The following HS2ST1 variants were observed in gnomAD, a reference collection of about 807,000 sequenced individuals.
HS2ST1 encodes the protein 2-O-sulfotransferase.
Under a neutral mutation model 42.9 loss-of-function variants are expected in HS2ST1, and 18 were observed. The observed-to-expected ratio is 0.42, with a 90% CI of 0.29 to 0.62. The LOEUF (loss-of-function observed/expected upper bound fraction) is 0.62, where lower values mean the gene tolerates loss of function less well. Among genes scored for constraint, HS2ST1 ranks in the 20% least tolerant of loss-of-function variants. The pLI is 0.21. For synonymous variants in HS2ST1, 146 were observed against 152.9 expected (o/e 0.95, Z 0.33); for missense variants, 334 against 433.8 (o/e 0.77, Z 2.04).
chr1:87,003,374 AAAAT>A (rs1378167506), intron 1 of HS2ST1, among the ~76,000 whole-genome samples: 1 of 152,214 alleles, frequency 6.6e-6, no homozygotes, highest in Non-Finnish European at 1.5e-5. Context: ...CTAAAGCTAA[AAAAT>A]AATTTTTGAA....
intron 1 of HS2ST1, among the ~76,000 whole-genome samples, chr1:86,929,202 A>T (rs1388762998): frequency 6.6e-6 from 1 of 151,926 alleles, no homozygotes; most frequent in Non-Finnish European, 1.5e-5. Flanking sequence ...ATTGTTATTA[A>T]TAATGACAAT....
intron 2 of HS2ST1, among the ~76,000 whole-genome samples, chr1:87,083,456 T>C (rs1042289589): frequency 5.9e-5 from 9 of 152,202 alleles, no homozygotes; most frequent in Admixed American, 3.3e-4. Flanking sequence ...TGTATACCAT[T>C]TTCCATTGAG....
chr1:87,025,187 T>TACA (rs10689285), intron 1 of HS2ST1, among the ~76,000 whole-genome samples: 1 of 151,984 alleles, frequency 6.6e-6, no homozygotes, highest in Non-Finnish European at 1.5e-5. Flanking sequence ...ACTGGAGAAG[T>TACA]GAAGAACAGG....
intron 1 of HS2ST1, among the ~76,000 whole-genome samples, chr1:86,966,407 AGTTAGG>A (rs1383513999): frequency 6.6e-5 from 10 of 152,048 alleles, no homozygotes; most frequent in Admixed American, 6.5e-4. Context: ...TATTTATAAC[AGTTAGG>A]GTTAGGGGGC....
intron 1 of HS2ST1, among the ~76,000 whole-genome samples, chr1:87,029,864 C>T (rs1650185744): frequency 6.6e-6 from 1 of 152,108 alleles, no homozygotes; most frequent in Non-Finnish European, 1.5e-5. Context: ...TGGATAAAGT[C>T]GAAGTTTAAG....
intron 1 of HS2ST1, among the ~76,000 whole-genome samples, chr1:86,950,028 C>G (rs1490128034): frequency 6.6e-6 from 1 of 152,078 alleles, no homozygotes; most frequent in African/African-American, 2.4e-5. Flanking sequence ...ATAGAAAAAG[C>G]ACTATAGAAA....
rs1266162582 is a variant in HS2ST1 at position 87,097,939 on chromosome 1, G to A, written c.686+4G>A. ...GTGGCCATAGCTCCGAATGCTGGTA[G>A]GGGAGATAAAGTTGGCTCAGATTGA... On this transcript the variant is annotated splice_donor_region_variant and intron_variant, in intron 5 of 6. Transcript: ENST00000370550. 6 of 1,613,792 alleles carry A rather than the reference G, an allele frequency of 3.7e-6. No homozygotes were observed. The highest frequency in any genetic ancestry group is 1.1e-5 in the South Asian group (1 of 91,072).
chr1:87,097,906 GTTC>G lies in HS2ST1; in HGVS notation c.662_664del (p.Phe221del). ...CAGAGAAGCTCTGGCTTCAAATCCC[GTTC>G]TTCTGTGGCCATAGCTCCGAATGCT... On this transcript the variant is annotated inframe_deletion, in exon 5 of 7. Coordinates refer to ENST00000370550, the MANE Select transcript of HS2ST1 (RefSeq NM_012262.4). The G allele has an allele frequency of 6.2e-7, 1 of 1,614,020 alleles. No individual in the cohort carries two copies. The highest frequency in any genetic ancestry group is 8.5e-7 in the Non-Finnish European group (1 of 1,179,922).
chr1:87,078,700 G>A (rs1011027764), intron 2 of HS2ST1, among the ~76,000 whole-genome samples: 3 of 152,188 alleles, frequency 2.0e-5, no homozygotes, highest in Non-Finnish European at 4.4e-5. Flanking sequence ...AGTATAGTCA[G>A]TAAGAATCCA....
chr1:86,996,790 A>G (rs1001728857), intron 1 of HS2ST1, among the ~76,000 whole-genome samples: 7 of 152,366 alleles, frequency 4.6e-5, no homozygotes, highest in African/African-American at 1.4e-4. Context: ...ATTATAATAC[A>G]TATGAAGATA....
intron 1 of HS2ST1, among the ~76,000 whole-genome samples, chr1:87,038,542 G>A (rs1276042848): frequency 6.6e-6 from 1 of 152,032 alleles, no homozygotes; most frequent in African/African-American, 2.4e-5. Context: ...AGTTATTCTG[G>A]AAAGTCCTGC....
In HS2ST1 at chr1:87,093,511, T is replaced by C. The variant is rs140643443; in HGVS notation, c.588+842T>C. 2.6e-4 allele frequency among the ~76,000 whole-genome samples: 39 copies of C among 152,216 alleles called. No homozygotes were observed. In the East Asian group the frequency reaches 7.5e-3, roughly 29 times the overall value. Reference sequence around the variant, plus strand: ...TGATGCCTCCAGGCAGTGAGTCATATCTCTTTCAGGGCTCCCAGAGCACTT... The same window carrying C: ...TGATGCCTCCAGGCAGTGAGTCATACCTCTTTCAGGGCTCCCAGAGCACTT... On this transcript the variant is annotated intron_variant, in intron 4 of 6. Coordinates refer to ENST00000370550, the MANE Select transcript of HS2ST1 (RefSeq NM_012262.4).
At chr1:87,097,687 C>G (rs1180804538) in intron 4 of HS2ST1, 151 bp from the exon 5 acceptor site, 5 of 844,766 alleles carry the variant, frequency 5.9e-6, no homozygotes, top group Non-Finnish European at 7.2e-6. Flanking sequence ...CCACCGTGCC[C>G]AACTGTGATT....
chr1:87,101,649 CATT>C (rs2100657018), intron 5 of HS2ST1, among the ~76,000 whole-genome samples: 1 of 152,308 alleles, frequency 6.6e-6, no homozygotes, highest in Admixed American at 6.5e-5. Context: ...TTATCACAAT[CATT>C]AAACCAGTCT....
chr1:86,956,816 T>C (rs2102192551), intron 1 of HS2ST1, among the ~76,000 whole-genome samples: 1 of 152,362 alleles, frequency 6.6e-6, no homozygotes, highest in South Asian at 2.1e-4. Flanking sequence ...TTTATACTTC[T>C]ACATGGTTTT....
chr1:86,950,415 C>T (rs879765821), intron 1 of HS2ST1, among the ~76,000 whole-genome samples: 12 of 151,964 alleles, frequency 7.9e-5, no homozygotes, highest in Admixed American at 2.6e-4. Flanking sequence ...AAGTTAAAGG[C>T]GAGACATGGA....
chr1:87,066,119 A>G (rs1327086834), intron 1 of HS2ST1, among the ~76,000 whole-genome samples: 1 of 152,202 alleles, frequency 6.6e-6, no homozygotes, highest in Non-Finnish European at 1.5e-5. Flanking sequence ...GTAATGTTTT[A>G]TACTTAACTA....
At chr1:87,091,260 G>A (rs769451821) in intron 3 of HS2ST1, among the ~76,000 whole-genome samples, 9 of 151,976 alleles carry the variant, frequency 5.9e-5, no homozygotes, top group Admixed American at 2.6e-4. Flanking sequence ...AAGGAAGACA[G>A]AATAAGCAAA....
At chr1:87,043,600 G>A (rs12095044) in intron 1 of HS2ST1, among the ~76,000 whole-genome samples, 5,385 of 152,082 alleles carry the variant, frequency 0.035, 196 homozygotes, top group African/African-American at 0.091. Flanking sequence ...TATTGTTACA[G>A]TCCTGTCTTA....
Sources: allele counts gnomAD v4.1 joint callset (sites outside exome capture counted in the v4.1 genomes callset), GRCh38; gene constraint gnomAD v4.1.1; transcripts MANE v1.5; gene names NCBI Gene and HGNC (gene_info 2026-07-23, HGNC 2026-07-21).